TRAF5: variants seen among roughly 807,000 people sequenced by gnomAD.
TRAF5 encodes TNF receptor associated factor 5.
Under a neutral mutation model 64.5 loss-of-function variants are expected in TRAF5, and 48 were observed. The ratio of observed to expected loss-of-function variants is 0.74; its 90% confidence interval spans 0.59 to 0.95. The LOEUF (loss-of-function observed/expected upper bound fraction) is 0.95. TRAF5 is among the 40% of genes least tolerant of loss of function. TRAF5 has a pLI of 0.00. For synonymous variants in TRAF5, 206 were observed against 240.5 expected (o/e 0.86, Z 1.33); for missense variants, 545 against 662.8 (o/e 0.82, Z 1.95).
chr1:211,347,346 TGAG>T (rs1426673250), intron 1 of TRAF5, among the ~76,000 whole-genome samples: 1 of 152,186 alleles, frequency 6.6e-6, no homozygotes, highest in Non-Finnish European at 1.5e-5. Flanking sequence ...GGTCCAGGCT[TGAG>T]GAAGCTTCAG....
At chr1:211,337,707 G>A (rs1270845294) in intron 1 of TRAF5, among the ~76,000 whole-genome samples, 3 of 152,168 alleles carry the variant, frequency 2.0e-5, no homozygotes, top group African/African-American at 7.2e-5. Context: ...GATATGTTGG[G>A]AAGGAAGATC....
At chr1:211,348,372 G>A (rs112566468) in intron 1 of TRAF5, among the ~76,000 whole-genome samples, 11 of 151,972 alleles carry the variant, frequency 7.2e-5, no homozygotes, top group Non-Finnish European at 1.5e-4. Context: ...TCTCAAGTAT[G>A]GTAAATATGA....
At chr1:211,370,723 G>A (rs546199133) in intron 9 of TRAF5, among the ~76,000 whole-genome samples, 1 of 152,218 alleles carries the variant, frequency 6.6e-6, no homozygotes, top group South Asian at 2.1e-4. Context: ...ATCAAATACT[G>A]AAAGTGAAAA....
chr1:211,335,257 C>A (rs1025481197), intron 1 of TRAF5, among the ~76,000 whole-genome samples: 22 of 152,122 alleles, frequency 1.4e-4, no homozygotes, highest in Admixed American at 1.1e-3. Context: ...TGTGTCATCC[C>A]CTCAGCTTTG....
intron 8 of TRAF5, among the ~76,000 whole-genome samples, chr1:211,367,626 G>GT (rs1366641074): frequency 5.3e-5 from 8 of 152,210 alleles, no homozygotes; most frequent in Non-Finnish European, 1.2e-4. Context: ...AGAAAGCTGA[G>GT]TAGGGAGGGG....
intron 7 of TRAF5, among the ~76,000 whole-genome samples, chr1:211,365,004 C>T (rs1002289209): frequency 5.9e-5 from 9 of 151,982 alleles, no homozygotes; most frequent in Non-Finnish European, 1.2e-4. Context: ...GAAACTCTGT[C>T]TCTACTAAAA....
rs780332943 is a variant in TRAF5, at chr1:211,372,297, G to A, written c.1269G>A (p.Gly423=). 3 of 1,613,994 alleles carry A rather than the reference G, an allele frequency of 1.9e-6. No homozygotes were observed. Among genetic ancestry groups the A allele is most frequent in the African/African-American group, 1.3e-5 (1 of 74,892 alleles). The part of the protein sequence containing the change: ...YKMKKREAVD[G]HTVSIFSQSF... ...TGAAGAAGAGAGAGGCGGTGGATGG[G>A]CACACAGTGTCCATCTTCAGCCAGT... Residue 423 remains glycine (G), a synonymous_variant, in exon 11 of 11, where the codon GGG becomes GGA. Coordinates refer to ENST00000261464, the MANE Select transcript of TRAF5 (RefSeq NM_001033910.3).
chr1:211,353,592 TC>T, intron 2 of TRAF5, 135 bp downstream of exon 2: 1 of 811,456 alleles, frequency 1.2e-6, no homozygotes, highest in Non-Finnish European at 1.9e-6. Context: ...GGAAGGACTC[TC>T]CCAGATCCCC....
At chr1:211,370,912 C>T (rs1166828301) in intron 9 of TRAF5, among the ~76,000 whole-genome samples, 2 of 152,162 alleles carry the variant, frequency 1.3e-5, no homozygotes, top group Non-Finnish European at 2.9e-5. Flanking sequence ...CCATTTCATT[C>T]TCCACCTTCT....
chr1:211,328,496 T>C (rs981248386), intron 1 of TRAF5, among the ~76,000 whole-genome samples: 2 of 152,006 alleles, frequency 1.3e-5, no homozygotes, highest in African/African-American at 4.8e-5. Flanking sequence ...CAGGGTAGGA[T>C]GGTGGTATTT....
At chr1:211,367,294 A>G (rs1047870357) in intron 8 of TRAF5, among the ~76,000 whole-genome samples, 12 of 152,286 alleles carry the variant, frequency 7.9e-5, no homozygotes, top group Admixed American at 7.2e-4. Context: ...TAGCATGGCA[A>G]TTGATAAGAG....
chr1:211,356,604 CA>C lies in TRAF5; in HGVS notation c.378+138del, dbSNP rs936389804. The stretch of plus-strand genomic sequence containing the variant: ...TTGCCCTCAAGGATTCCCAGTCTAG[CA>C]ATACAGGTGGCTACAGTGCTGTAGC... On this transcript the variant is annotated intron_variant, in intron 4 of 10. Coordinates refer to ENST00000261464, the MANE Select transcript of TRAF5 (RefSeq NM_001033910.3). 6.3e-5 allele frequency: 48 copies of C among 758,948 alleles called. No homozygotes were observed. In the Admixed American group the frequency reaches 1.1e-3, roughly 18 times the overall value. The allele number at this position is 758,948 out of a possible 1,614,324, so 47.0% of individuals were successfully genotyped here.
At chr1:211,370,897 G>A (rs1041044548) in intron 9 of TRAF5, among the ~76,000 whole-genome samples, 8 of 152,156 alleles carry the variant, frequency 5.3e-5, no homozygotes, top group African/African-American at 1.7e-4. Context: ...ACAGGTGGGC[G>A]TATTCCATTT....
At chr1:211,329,468 C>T (rs1356004858) in intron 1 of TRAF5, among the ~76,000 whole-genome samples, 3 of 152,218 alleles carry the variant, frequency 2.0e-5, no homozygotes, top group African/African-American at 7.2e-5. Context: ...GCTATTCCTT[C>T]CACTTTACCT....
chr1:211,361,544 A>G (rs1027328605), intron 7 of TRAF5, among the ~76,000 whole-genome samples: 2 of 152,156 alleles, frequency 1.3e-5, no homozygotes, highest in African/African-American at 4.8e-5. Flanking sequence ...TATGGAGGGT[A>G]ATCTGCTTAC....
chr1:211,360,149 G>A (rs1703129060), intron 5 of TRAF5, 73 bp downstream of exon 5: 1 of 1,440,174 alleles, frequency 6.9e-7, no homozygotes, highest in South Asian at 1.2e-5. Flanking sequence ...TGAATCAGGT[G>A]GAATGCCAGA....
At chr1:211,369,890 C>T (rs1399002991) in intron 9 of TRAF5, among the ~76,000 whole-genome samples, 1 of 152,088 alleles carries the variant, frequency 6.6e-6, no homozygotes, top group Non-Finnish European at 1.5e-5. Flanking sequence ...GAGTACGCTG[C>T]GTATATTATG....
At chr1:211,345,171 C>T (rs1353737507) in intron 1 of TRAF5, among the ~76,000 whole-genome samples, 1 of 152,174 alleles carries the variant, frequency 6.6e-6, no homozygotes. Context: ...CCCACCTCGG[C>T]CTCCCAGAGT....
chr1:211,372,178 A>G lies in TRAF5; in HGVS notation c.1150A>G (p.Lys384Glu). The G allele has an allele frequency of 1.2e-6, 2 of 1,613,770 alleles. No individual in the cohort carries two copies. Among genetic ancestry groups the G allele is most frequent in the South Asian group, 2.2e-5 (2 of 91,030 alleles). The change falls in exon 11 of 11, where the codon AAA becomes GAA. Residue 384 changes from lysine (K) to glutamate (E), a missense_variant. Lys to Glu is a moderately conservative substitution (Grantham distance 56). Transcript: ENST00000261464. ...NKHDTHINIH[K>E]AQLSKNEERF... ...ACATGATACCCACATTAATATTCAT[A>G]AAGCACAGCTGAGTAAAAATGAAGA...
Sources: gnomAD v4.1 joint callset for allele counts (sites outside exome capture counted in the v4.1 genomes callset) on GRCh38, gnomAD v4.1.1 for gene constraint, MANE v1.5 for transcripts, NCBI Gene and HGNC (gene_info 2026-07-23, HGNC 2026-07-21) for gene names.